The following MARCHF1 variants were observed in gnomAD, a reference collection of about 807,000 sequenced individuals.
MARCHF1 encodes the protein E3 ubiquitin-protein ligase MARCHF1.
MARCHF1 carries 40 observed loss-of-function variants against 54.2 expected under a neutral mutation model. The ratio of observed to expected loss-of-function variants is 0.74; its 90% CI spans 0.57 to 0.96. The LOEUF (loss-of-function observed/expected upper bound fraction) is 0.96, where lower values mean the gene tolerates loss of function less well. MARCHF1 is among the 40% of genes least tolerant of loss of function. The pLI is 0.00. For synonymous variants in MARCHF1, 236 were observed against 236.3 expected (o/e 1.00, Z 0.01); for missense variants, 586 against 656.5 (o/e 0.89, Z 1.17).
chr4:163,993,836 A>T (rs2110899159), intron 2 of MARCHF1, among the ~76,000 whole-genome samples: 1 of 152,268 alleles, frequency 6.6e-6, no homozygotes, highest in African/African-American at 2.4e-5. Context: ...TAAGGAAGGT[A>T]CAGGGGTATT....
intron 1 of MARCHF1, among the ~76,000 whole-genome samples, chr4:164,335,417 C>T (rs1461634487): frequency 6.6e-6 from 1 of 152,056 alleles, no homozygotes; most frequent in East Asian, 1.9e-4. Context: ...CCTGTCTCTA[C>T]CAAAAATACG....
intron 2 of MARCHF1, among the ~76,000 whole-genome samples, chr4:164,098,269 T>G (rs900617421): frequency 1.6e-4 from 25 of 152,208 alleles, no homozygotes; most frequent in African/African-American, 5.5e-4. Flanking sequence ...GCTGGTATTT[T>G]CTGGTTATGA....
At chr4:163,871,303 G>A (rs2111217252) in intron 3 of MARCHF1, among the ~76,000 whole-genome samples, 1 of 152,234 alleles carries the variant, frequency 6.6e-6, no homozygotes, top group Middle Eastern at 3.4e-3. Context: ...AAACAGCATT[G>A]CTTTTTACAT....
intron 3 of MARCHF1, among the ~76,000 whole-genome samples, chr4:163,947,041 A>G (rs1752039305): frequency 6.6e-6 from 1 of 152,208 alleles, no homozygotes; most frequent in African/African-American, 2.4e-5. Flanking sequence ...TGAACATAGC[A>G]TATTCAGCAA....
chr4:163,589,746 T>A (rs1740525204), intron 7 of MARCHF1, among the ~76,000 whole-genome samples: 1 of 152,068 alleles, frequency 6.6e-6, no homozygotes, highest in Admixed American at 6.6e-5. Flanking sequence ...TGTAATAAAA[T>A]TGCATGGCAA....
intron 3 of MARCHF1, among the ~76,000 whole-genome samples, chr4:163,916,093 C>T (rs994685216): frequency 6.6e-6 from 1 of 152,154 alleles, no homozygotes; most frequent in Non-Finnish European, 1.5e-5. Flanking sequence ...GTGGCCAGTG[C>T]ATGGAACTTG....
intron 1 of MARCHF1, among the ~76,000 whole-genome samples, chr4:164,112,487 T>C (rs1755854721): frequency 6.6e-6 from 1 of 151,908 alleles, no homozygotes; most frequent in Non-Finnish European, 1.5e-5. Flanking sequence ...GGGGATATTA[T>C]TGATCATTTT....
chr4:163,997,766 G>T (rs959506495), intron 2 of MARCHF1, among the ~76,000 whole-genome samples: 1 of 151,738 alleles, frequency 6.6e-6, no homozygotes, highest in Non-Finnish European at 1.5e-5. Flanking sequence ...AAACACTGAA[G>T]AAAAAGGTAA....
chr4:164,363,138 A>G (rs1032583696), intron 1 of MARCHF1, among the ~76,000 whole-genome samples: 6 of 152,134 alleles, frequency 3.9e-5, no homozygotes, highest in Non-Finnish European at 8.8e-5. Context: ...TTATAGAATC[A>G]ATAAATGGTA....
At chr4:164,318,821 C>T (rs1735064757) in intron 1 of MARCHF1, among the ~76,000 whole-genome samples, 1 of 152,122 alleles carries the variant, frequency 6.6e-6, no homozygotes, top group African/African-American at 2.4e-5. Context: ...CACAAAAGTA[C>T]TTGTTATAAA....
At chr4:164,243,221 C>T (rs200553497) in intron 1 of MARCHF1, among the ~76,000 whole-genome samples, 1 of 142,510 alleles carries the variant, frequency 7.0e-6, no homozygotes, top group African/African-American at 2.7e-5. Flanking sequence ...CTAAGGGCAG[C>T]CAGAGAGAAA....
intron 1 of MARCHF1, among the ~76,000 whole-genome samples, chr4:164,345,922 T>A (rs184457178): frequency 6.6e-6 from 1 of 152,264 alleles, no homozygotes; most frequent in East Asian, 1.9e-4. Flanking sequence ...CTAAAGCCCA[T>A]TTTAATGACT....
At chr4:163,674,521 T>G (rs537481136) in intron 5 of MARCHF1, among the ~76,000 whole-genome samples, 1 of 152,154 alleles carries the variant, frequency 6.6e-6, no homozygotes, top group Admixed American at 6.5e-5. Context: ...AAAGGACCGA[T>G]GAGTTTGCCT....
intron 1 of MARCHF1, among the ~76,000 whole-genome samples, chr4:164,364,485 A>T (rs542529944): frequency 1.4e-3 from 206 of 152,220 alleles, no homozygotes; most frequent in Admixed American, 4.6e-3. Context: ...TCTGCATTTT[A>T]ATGACAAATC....
chr4:163,574,388 C>G (rs948926060), intron 8 of MARCHF1, among the ~76,000 whole-genome samples: 9 of 151,952 alleles, frequency 5.9e-5, no homozygotes, highest in South Asian at 2.1e-4. Context: ...AAGTCCTTGC[C>G]CGTGCCTATG....
At chr4:163,639,973 C>G (rs1356709163) in intron 5 of MARCHF1, among the ~76,000 whole-genome samples, 1 of 152,054 alleles carries the variant, frequency 6.6e-6, no homozygotes, top group Non-Finnish European at 1.5e-5. Context: ...TTCATCCATG[C>G]CCTCATCTCA....
chr4:163,978,616 T>C (rs1454538874), intron 3 of MARCHF1, among the ~76,000 whole-genome samples: 1 of 152,162 alleles, frequency 6.6e-6, no homozygotes, highest in Admixed American at 6.6e-5. Context: ...TCAGTCTTCT[T>C]CCAGATACAT....
At chr4:164,087,834 A>G (rs899879051) in intron 2 of MARCHF1, among the ~76,000 whole-genome samples, 2 of 150,062 alleles carry the variant, frequency 1.3e-5, no homozygotes, top group Admixed American at 1.3e-4. Context: ...GCCTCATAGC[A>G]TTTTTCTGTG....
At chr4:163,942,529 C>T (rs1384467727) in intron 3 of MARCHF1, among the ~76,000 whole-genome samples, 1 of 152,172 alleles carries the variant, frequency 6.6e-6, no homozygotes, top group East Asian at 1.9e-4. Context: ...CACAGAGAGT[C>T]ATGAAAGTGC....
Sources: gnomAD v4.1 joint callset for allele counts (sites outside exome capture counted in the v4.1 genomes callset) on GRCh38, gnomAD v4.1.1 for gene constraint, MANE v1.5 for transcripts, NCBI Gene and HGNC (gene_info 2026-07-23, HGNC 2026-07-21) for gene names.